The following DDX43 variants were observed in gnomAD, a reference collection of about 807,000 sequenced individuals.
DDX43 encodes DEAD-box helicase 43.
Under a neutral mutation model 84.9 loss-of-function variants are expected in DDX43, and 50 were observed. The observed-to-expected ratio is 0.59, with a 90% confidence interval of 0.47 to 0.75. The LOEUF (loss-of-function observed/expected upper bound fraction) is 0.75, where lower values mean the gene tolerates loss of function less well. Ranked by LOEUF, DDX43 falls within the 30% of genes least tolerant of loss-of-function variation. DDX43 has a pLI of 0.00. For synonymous variants in DDX43, 291 were observed against 266.3 expected, an observed-to-expected ratio of 1.09 and a Z score of -0.90; for missense variants, 689 against 798.6, an observed-to-expected ratio of 0.86 and a Z score of 1.65.
chr6:73,397,882 C>G (rs1178521722), intron 2 of DDX43, 138 bp downstream of exon 2: 24 of 632,064 alleles, frequency 3.8e-5, no homozygotes, highest in Non-Finnish European at 6.4e-5. Flanking sequence ...AGTACAACCT[C>G]TGCCTCCTGG....
intron 14 of DDX43, among the ~76,000 whole-genome samples, 186 bp from the exon 15 acceptor site, chr6:73,415,311 A>G (rs951084051): frequency 6.6e-6 from 1 of 152,040 alleles, no homozygotes; most frequent in Non-Finnish European, 1.5e-5. Flanking sequence ...AAATAAATAA[A>G]TAAATAAATA....
chr6:73,404,994 A>C (rs1242834583), intron 5 of DDX43, among the ~76,000 whole-genome samples: 1 of 152,232 alleles, frequency 6.6e-6, no homozygotes, highest in East Asian at 1.9e-4. Context: ...TGGCACTTAA[A>C]GTATGGCTGG....
chr6:73,395,545 A>G (rs1301517624), intron 1 of DDX43, among the ~76,000 whole-genome samples: 1 of 151,952 alleles, frequency 6.6e-6, no homozygotes, highest in Non-Finnish European at 1.5e-5. Flanking sequence ...ACCCGGCGGC[A>G]GAAGTTGGCA....
rs1347691138 is a variant in DDX43, at chr6:73,415,591, C to T, written c.1833+7C>T. On this transcript the variant is annotated splice_region_variant and intron_variant, in intron 15 of 16. Coordinates refer to ENST00000370336, the MANE Select transcript of DDX43 (RefSeq NM_018665.3). Reference sequence around the variant, plus strand: ...TCTGGAAAGAGCAAATCAGGTGAGACTATGCAATTCATTAGAAATCTACCT... The same window carrying T: ...TCTGGAAAGAGCAAATCAGGTGAGATTATGCAATTCATTAGAAATCTACCT... The T allele has an allele frequency of 4.5e-5, 72 of 1,582,938 alleles. No individual in the cohort carries two copies. The highest frequency in any genetic ancestry group is 6.1e-5 in the Non-Finnish European group (70 of 1,155,376).
At chr6:73,395,757 A>G (rs1166968481) in intron 1 of DDX43, among the ~76,000 whole-genome samples, 1 of 152,160 alleles carries the variant, frequency 6.6e-6, no homozygotes, top group African/African-American at 2.4e-5. Context: ...ACAGACAGCT[A>G]ACCCCAGAAT....
At position 73,415,503 on chromosome 6, in the gene DDX43, T is replaced by C; in HGVS notation, c.1752T>C (p.Thr584=). Residue 584 remains threonine (T), a synonymous_variant, in exon 15 of 17, where the codon ACT becomes ACC. Transcript: ENST00000370336. ...RIGRTGRAGR[T]GVSITTLTRN... is the part of the protein sequence containing the mutation. ...TTTTTCCCCCACACTAAAGGAGGACTGGTGTTTCCATTACAACTTTGACTA... is the reference window on the plus strand; with the variant it reads ...TTTTTCCCCCACACTAAAGGAGGACCGGTGTTTCCATTACAACTTTGACTA... 6.2e-7 allele frequency: 1 copy of C among 1,611,838 alleles called. No individual in the cohort carries two copies. The highest frequency in any genetic ancestry group is 1.7e-4 in the Middle Eastern group (1 of 6,060).
At chr6:73,398,033 AC>A (rs1282592327) in intron 2 of DDX43, 1 of 218,294 alleles carries the variant, frequency 4.6e-6, no homozygotes, top group African/African-American at 2.3e-5. Context: ...GCTGCTCTCA[AC>A]TCCTGGCCTC....
chr6:73,413,511 G>T, intron 11 of DDX43, 147 bp from the exon 12 acceptor site: 1 of 653,538 alleles, frequency 1.5e-6, no homozygotes. Flanking sequence ...GTAGAAACAG[G>T]TAATTTTTTT....
At position 73,400,229 on chromosome 6, in the gene DDX43, C is replaced by A; in HGVS notation, c.307-5C>A. 1 of 1,588,340 alleles carries A rather than the reference C, an allele frequency of 6.3e-7. No homozygotes were observed. The highest frequency in any genetic ancestry group is 8.5e-7 in the Non-Finnish European group (1 of 1,171,132). ...AGTCTCACCTCTTTTTCCCCTTGTACCTAGATAATACAAGAACAACCAGAA... is the reference window on the plus strand; with the variant it reads ...AGTCTCACCTCTTTTTCCCCTTGTAACTAGATAATACAAGAACAACCAGAA... On this transcript the variant is annotated splice_polypyrimidine_tract_variant and splice_region_variant and intron_variant, in intron 2 of 16. Transcript: ENST00000370336.
rs772136791 is a variant in DDX43 at position 73,412,694 on chromosome 6, CGT to C, written c.1368+404_1368+405del. On this transcript the variant is annotated intron_variant, in intron 11 of 16. Transcript: ENST00000370336. ...GCGCGCGCGCGTGTGTGTGTGTGCG[CGT>C]GCGTGCGCACGCATGTGCAAGTGAT... Among the ~76,000 whole-genome samples the C allele has an allele frequency of 1.0e-3, 128 of 127,078 alleles. 2 individuals are homozygous for C. Among genetic ancestry groups the C allele is most frequent in the Admixed American group, 1.9e-3 (22 of 11,548 alleles). The allele number at this position is 127,078 out of a possible 152,430, so 83.4% of individuals were successfully genotyped here.
At chr6:73,407,400 T>G in intron 7 of DDX43, 105 bp from the exon 8 acceptor site, 1 of 782,694 alleles carries the variant, frequency 1.3e-6, no homozygotes. Flanking sequence ...ATTACAGGCG[T>G]GAGCCACCAC....
chr6:73,411,049 G>A lies in DDX43; in HGVS notation c.1281-1156G>A, dbSNP rs560628664. ...AATTTACCCGGGAGTGGTGGCGGGCGCCTATAGTCCCAGCTACTCGGGAGC... is the reference window on the plus strand; with the variant it reads ...AATTTACCCGGGAGTGGTGGCGGGCACCTATAGTCCCAGCTACTCGGGAGC... On this transcript the variant is annotated intron_variant, in intron 10 of 16. Coordinates refer to ENST00000370336, the MANE Select transcript of DDX43 (RefSeq NM_018665.3). Among the ~76,000 whole-genome samples, 6 of 151,540 alleles carry A rather than the reference G, an allele frequency of 4.0e-5. No homozygotes were observed. The South Asian group carries it at 1.3e-3, about 32-fold the overall frequency.
chr6:73,403,449 G>A (rs1211469142), intron 4 of DDX43, among the ~76,000 whole-genome samples: 1 of 152,030 alleles, frequency 6.6e-6, no homozygotes, highest in Non-Finnish European at 1.5e-5. Context: ...CAGCCTGGGC[G>A]ACAGAGTAAG....
chr6:73,394,832 T>C lies in DDX43; in HGVS notation c.-74T>C. ...CGGCTGCGTGGCTTCCCTGGCACGC[T>C]ACTCTTACGACGTCACGGTCAGGTG... On this transcript the variant is annotated 5_prime_UTR_variant, in exon 1 of 17. Coordinates refer to ENST00000370336, the MANE Select transcript of DDX43 (RefSeq NM_018665.3). 6.4e-7 allele frequency: 1 copy of C among 1,565,690 alleles called. No individual in the cohort carries two copies. The highest frequency in any genetic ancestry group is 8.6e-7 in the Non-Finnish European group (1 of 1,156,810).
intron 14 of DDX43, 134 bp downstream of exon 14, chr6:73,414,820 CTTTA>C (rs555763216): frequency 2.6e-4 from 202 of 772,868 alleles, no homozygotes; most frequent in Admixed American, 4.0e-4. Context: ...ATACTTGCTA[CTTTA>C]TTTATCCCTG....
chr6:73,416,917 T>G (rs1018791234), intron 16 of DDX43, among the ~76,000 whole-genome samples: 1 of 152,120 alleles, frequency 6.6e-6, no homozygotes, highest in Non-Finnish European at 1.5e-5. Context: ...CGCCAACCTG[T>G]AATCCCAGCT....
chr6:73,404,011 G>T (rs1203902213), intron 4 of DDX43, among the ~76,000 whole-genome samples: 1 of 152,024 alleles, frequency 6.6e-6, no homozygotes, highest in Non-Finnish European at 1.5e-5. Flanking sequence ...TACAGATGGG[G>T]TTTCACTATG....
At chr6:73,408,808 G>A (rs754959734) in intron 9 of DDX43, among the ~76,000 whole-genome samples, 9 of 152,144 alleles carry the variant, frequency 5.9e-5, no homozygotes, top group East Asian at 5.8e-4. Flanking sequence ...CGCCTGCCTC[G>A]GCCTCCCAAA....
intron 6 of DDX43, 104 bp from the exon 7 acceptor site, chr6:73,406,260 G>C (rs1000161828): frequency 2.8e-6 from 2 of 709,806 alleles, no homozygotes; most frequent in East Asian, 5.8e-5. Flanking sequence ...GACCTCAGGA[G>C]ATCTGCCCGC....
Sources: allele counts gnomAD v4.1 joint callset (sites outside exome capture counted in the v4.1 genomes callset), GRCh38; gene constraint gnomAD v4.1.1; transcripts MANE v1.5; gene names NCBI Gene and HGNC (gene_info 2026-07-23, HGNC 2026-07-21).